The following TMEM132B variants were observed in gnomAD, a reference collection of about 807,000 sequenced individuals.
TMEM132B encodes transmembrane protein 132B.
In TMEM132B, 18 loss-of-function variants were observed where a neutral mutation model predicts 90.8. That is an observed-to-expected ratio of 0.20 (90% CI 0.14 to 0.29). TMEM132B has a LOEUF of 0.29. Ranked by LOEUF, TMEM132B falls within the 10% of genes least tolerant of loss-of-function variation. TMEM132B has a pLI of 1.00. For synonymous variants in TMEM132B, 504 were observed against 523.3 expected (o/e 0.96, Z 0.50); for missense variants, 1,096 against 1,326.8 (o/e 0.83, Z 2.70).
At position 125,458,829 on chromosome 12, in the gene TMEM132B, G is replaced by A. The variant is rs1251005305; in HGVS notation, c.1106+43152G>A. On this transcript the variant is annotated intron_variant, in intron 3 of 8. Transcript: ENST00000682704. This position sits in a 1 kb window ranked among gnomAD's most constrained non-coding sequence, Gnocchi z 4.9. ...CTGTACACAAAAGGCACCACAACAG[G>A]AGAATGAGTCCTGTCATCACTTGAC... Among the ~76,000 whole-genome samples the A allele has an allele frequency of 6.6e-6, 1 of 152,214 alleles. No individual in the cohort carries two copies. Among genetic ancestry groups the A allele is most frequent in the Non-Finnish European group, 1.5e-5 (1 of 68,040 alleles).
intron 3 of TMEM132B, among the ~76,000 whole-genome samples, chr12:125,421,301 A>G (rs1365163257): frequency 6.6e-6 from 1 of 152,234 alleles, no homozygotes; most frequent in Non-Finnish European, 1.5e-5. Context: ...TGGGTAATTT[A>G]TAAAGGAAAG....
At chr12:125,523,865 A>G in intron 4 of TMEM132B, among the ~76,000 whole-genome samples, 1 of 152,182 alleles carries the variant, frequency 6.6e-6, no homozygotes, top group East Asian at 1.9e-4. Context: ...TCGGGGATGC[A>G]CTTTCATTGT....
intron 3 of TMEM132B, among the ~76,000 whole-genome samples, chr12:125,515,134 ACACT>A (rs1432583913): frequency 6.6e-6 from 1 of 152,174 alleles, no homozygotes; most frequent in Non-Finnish European, 1.5e-5. Context: ...ACACGCAGAC[ACACT>A]CACACAAACA....
At chr12:125,198,690 G>T (rs1289652893) in intron 1 of TMEM132B, among the ~76,000 whole-genome samples, 2 of 152,184 alleles carry the variant, frequency 1.3e-5, no homozygotes. Context: ...ATTTCCCAAA[G>T]GAAAATATGG....
intron 2 of TMEM132B, among the ~76,000 whole-genome samples, chr12:125,359,723 C>T (rs1877900506): frequency 6.6e-6 from 1 of 152,190 alleles, no homozygotes; most frequent in Non-Finnish European, 1.5e-5. Flanking sequence ...TTCTACTTGC[C>T]AGCAGAAGTT....
intron 3 of TMEM132B, among the ~76,000 whole-genome samples, chr12:125,448,778 T>A (rs1238016126): frequency 6.6e-6 from 1 of 152,184 alleles, no homozygotes; most frequent in Non-Finnish European, 1.5e-5. Flanking sequence ...TATGATTTTA[T>A]GCTTCCTACA....
intron 5 of TMEM132B, among the ~76,000 whole-genome samples, chr12:125,633,790 CT>C (rs1886419161): frequency 6.6e-6 from 1 of 152,244 alleles, no homozygotes; most frequent in African/African-American, 2.4e-5. Context: ...CTCTCTCTCT[CT>C]CTGTTCTGAG....
chr12:125,200,769 G>A (rs558643781), intron 1 of TMEM132B, among the ~76,000 whole-genome samples: 1 of 152,164 alleles, frequency 6.6e-6, no homozygotes, highest in Non-Finnish European at 1.5e-5. Context: ...GTGGAAGAAG[G>A]GGGACTTGTT....
At chr12:125,503,604 C>T (rs1314548385) in intron 3 of TMEM132B, among the ~76,000 whole-genome samples, 2 of 152,168 alleles carry the variant, frequency 1.3e-5, no homozygotes, top group Non-Finnish European at 2.9e-5. Flanking sequence ...TGTGTGAACT[C>T]GATGTCCCTT....
At chr12:125,417,739 T>C (rs1880056487) in intron 3 of TMEM132B, among the ~76,000 whole-genome samples, 2 of 152,182 alleles carry the variant, frequency 1.3e-5, no homozygotes, top group Admixed American at 6.5e-5. Flanking sequence ...GCAAGATGAC[T>C]GCTAGCAGCT....
At chr12:125,622,732 A>C in intron 5 of TMEM132B, 1 of 873,168 alleles carries the variant, frequency 1.1e-6, no homozygotes, top group Non-Finnish European at 1.4e-6. Flanking sequence ...TTCTGCTCTC[A>C]TTCTGGAGCA....
intron 2 of TMEM132B, among the ~76,000 whole-genome samples, chr12:125,358,124 C>T (rs987736333): frequency 2.6e-5 from 4 of 152,082 alleles, no homozygotes; most frequent in Non-Finnish European, 5.9e-5. Flanking sequence ...GCTCCCATCC[C>T]TAATCAAATT....
chr12:125,298,288 A>C (rs1478840223), intron 1 of TMEM132B, among the ~76,000 whole-genome samples: 3 of 151,504 alleles, frequency 2.0e-5, no homozygotes, highest in Non-Finnish European at 2.9e-5. Context: ...AAACAAAAAA[A>C]CCCCAATACC....
intron 3 of TMEM132B, among the ~76,000 whole-genome samples, chr12:125,488,069 T>A (rs1882247297): frequency 6.6e-6 from 1 of 152,238 alleles, no homozygotes; most frequent in African/African-American, 2.4e-5. Context: ...GAAAACAGCT[T>A]CTATTTTAGC....
rs1042568539 is a variant in TMEM132B at position 125,213,639 on chromosome 12, C to T, written c.67+26773C>T. On this transcript the variant is annotated intron_variant, in intron 1 of 8. Transcript: ENST00000682704. This position sits in a 1 kb window ranked among gnomAD's most constrained non-coding sequence, Gnocchi z 4.2. Reference sequence around the variant, plus strand: ...CTCTATAAATTACTGTGTGATTTTTCTGTCTAGCACTTATCACTATCTGAA... The same window carrying T: ...CTCTATAAATTACTGTGTGATTTTTTTGTCTAGCACTTATCACTATCTGAA... 6.6e-6 allele frequency among the ~76,000 whole-genome samples: 1 copy of T among 152,224 alleles called. No homozygotes were observed. Among genetic ancestry groups the T allele is most frequent in the African/African-American group, 2.4e-5 (1 of 41,452 alleles).
intron 2 of TMEM132B, among the ~76,000 whole-genome samples, chr12:125,366,999 A>G (rs917195813): frequency 2.6e-5 from 4 of 152,150 alleles, no homozygotes; most frequent in African/African-American, 9.7e-5. Context: ...TTTTCGATCT[A>G]GACTTTCCAT....
At position 125,350,285 on chromosome 12, in the gene TMEM132B, A is replaced by G. The variant is rs866219544; in HGVS notation, c.901A>G (p.Thr301Ala). ...VPLNLVREGD[T>A]ATFLVSLTSS... is the part of the protein sequence containing the mutation. ...TCTGAATCTAGTCCGGGAAGGGGACACGGCCACCTTTTTGGTCTCTCTGAC... is the reference window on the plus strand; with the variant it reads ...TCTGAATCTAGTCCGGGAAGGGGACGCGGCCACCTTTTTGGTCTCTCTGAC... The change falls in exon 2 of 9, where the codon ACG (threonine) becomes GCG (alanine). Residue 301 changes from threonine (T) to alanine (A), a missense_variant. Coordinates refer to ENST00000682704, the MANE Select transcript of TMEM132B (RefSeq NM_001366854.1). 5.6e-5 allele frequency: 91 copies of G among 1,613,838 alleles called. 1 individual carries two copies. In the Admixed American group the frequency reaches 1.3e-3, roughly 23 times the overall value.
intron 5 of TMEM132B, among the ~76,000 whole-genome samples, chr12:125,615,946 C>CT (rs201994182): frequency 1.3e-5 from 2 of 152,008 alleles, no homozygotes; most frequent in African/African-American, 2.4e-5. Context: ...ATGGTTGACA[C>CT]TTTTTTTTAT....
At chr12:125,427,325 A>T (rs969668047) in intron 3 of TMEM132B, among the ~76,000 whole-genome samples, 2 of 152,170 alleles carry the variant, frequency 1.3e-5, no homozygotes, top group Non-Finnish European at 2.9e-5. Context: ...TTAATTATCA[A>T]AATAGCCAGT....
Sources: gnomAD v4.1 joint callset for allele counts (sites outside exome capture counted in the v4.1 genomes callset) on GRCh38, gnomAD v4.1.1 for gene constraint, Gnocchi (gnomAD v3.1) non-coding constraint, MANE v1.5 for transcripts, NCBI Gene and HGNC (gene_info 2026-07-23, HGNC 2026-07-21) for gene names.